Variants in EVL observed in about 807,000 individuals in gnomAD.
EVL encodes the protein ena/VASP-like protein.
EVL carries 21 observed loss-of-function variants against 59.6 expected under a neutral mutation model. That is an observed-to-expected ratio of 0.35 (90% CI 0.25 to 0.51). The LOEUF (loss-of-function observed/expected upper bound fraction) is 0.51. Among genes scored for constraint, EVL ranks in the 20% least tolerant of loss-of-function variants. EVL has a pLI of 0.97. For missense variants in EVL, 462 were observed against 546.6 expected (o/e 0.85, Z 1.54); for synonymous variants, 198 against 203.5 (o/e 0.97, Z 0.23).
chr14:100,010,914 G>C (rs2061013073), intron 1 of EVL, among the ~76,000 whole-genome samples: 1 of 152,198 alleles, frequency 6.6e-6, no homozygotes, highest in Non-Finnish European at 1.5e-5. Flanking sequence ...ATCCAAAAGT[G>C]AGGTCGTTGG....
chr14:99,983,411 C>T (rs546218924), intron 1 of EVL, among the ~76,000 whole-genome samples: 19 of 152,242 alleles, frequency 1.2e-4, no homozygotes, highest in African/African-American at 4.6e-4. Context: ...CCAGTGTGTG[C>T]CTCTCCTTGG....
At chr14:100,143,322 C>T (rs756245441) in intron 13 of EVL, among the ~76,000 whole-genome samples, 1 of 152,016 alleles carries the variant, frequency 6.6e-6, no homozygotes, top group Non-Finnish European at 1.5e-5. Context: ...CTCCCGGGCC[C>T]CCGGCACCTG....
chr14:100,023,651 G>A (rs1256828616), intron 1 of EVL, among the ~76,000 whole-genome samples: 4 of 150,392 alleles, frequency 2.7e-5, no homozygotes, highest in East Asian at 2.0e-4. Context: ...TTGTAGAGAC[G>A]GGGTTCAACC....
intron 1 of EVL, among the ~76,000 whole-genome samples, chr14:100,023,371 ATTTTTTTT>A (rs1010647617): frequency 2.2e-5 from 2 of 90,772 alleles, no homozygotes; most frequent in Non-Finnish European, 4.1e-5. Flanking sequence ...AGCCCGGCTA[ATTTTTTTT>A]TTTTTTTTTT....
intron 11 of EVL, chr14:100,140,617 A>G (rs1481609449): frequency 6.8e-6 from 1 of 147,548 alleles, no homozygotes; most frequent in African/African-American, 2.5e-5. Flanking sequence ...ACTCTGTCTG[A>G]AAAAAAAAAA....
chr14:100,139,824 T>C (rs1473112315), intron 11 of EVL: 1 of 152,234 alleles, frequency 6.6e-6, no homozygotes, highest in Non-Finnish European at 1.5e-5. Flanking sequence ...AACCTTGGGC[T>C]CCAGCCTCCA....
chr14:100,083,070 C>G (rs368927243), intron 1 of EVL, among the ~76,000 whole-genome samples: 65 of 152,334 alleles, frequency 4.3e-4, no homozygotes, highest in African/African-American at 1.5e-3. Flanking sequence ...CCAGAATCAT[C>G]TCAAGGGCTC....
chr14:100,128,450 A>C lies in EVL; in HGVS notation c.488-69A>C, dbSNP rs553404714. 129 of 1,520,258 alleles carry C rather than the reference A, an allele frequency of 8.5e-5. 1 individual carries two copies. Among genetic ancestry groups the C allele is most frequent in the Non-Finnish European group, 1.1e-4 (117 of 1,096,628 alleles). The allele number at this position is 1,520,258 out of a possible 1,614,324, so 94.2% of individuals were successfully genotyped here. On this transcript the variant is annotated intron_variant, in intron 5 of 13. Coordinates refer to ENST00000392920, the MANE Select transcript of EVL (RefSeq NM_016337.3). ...CCCTGTCCTTCCTCCGGGGAACCTG[A>C]GCTGAGAGCAGCAGGCTTGGCCCCC...
At chr14:99,977,741 T>C (rs1263298812) in intron 1 of EVL, among the ~76,000 whole-genome samples, 1 of 151,756 alleles carries the variant, frequency 6.6e-6, no homozygotes, top group East Asian at 2.0e-4. Flanking sequence ...GCCAGAACAT[T>C]TAATTTTTGA....
Position 99,972,460 on chromosome 14 carries a change from C to T in EVL, c.5+403C>T, listed in dbSNP as rs934834552. Among the ~76,000 whole-genome samples the T allele has an allele frequency of 6.6e-6, 1 of 152,134 alleles. No homozygotes were observed. Among genetic ancestry groups the T allele is most frequent in the Non-Finnish European group, 1.5e-5 (1 of 68,010 alleles). On this transcript the variant is annotated intron_variant, in intron 1 of 13. Transcript: ENST00000402714. The surrounding 1 kb of genome is among the most constrained non-coding windows in gnomAD (Gnocchi z 4.4). ...AGCCCCTGTGCGGTGCCTTCCAGCC[C>T]GGAGGAGGCTGGCCTGAAGCCCCCA...
At chr14:100,020,428 G>A (rs2061101328) in intron 1 of EVL, among the ~76,000 whole-genome samples, 1 of 151,974 alleles carries the variant, frequency 6.6e-6, no homozygotes, top group Admixed American at 6.6e-5. Context: ...TTCTTCTTGT[G>A]CATATTTCCA....
chr14:100,141,423 C>T (rs1889157342), intron 12 of EVL, among the ~76,000 whole-genome samples, 177 bp downstream of exon 12: 1 of 152,210 alleles, frequency 6.6e-6, no homozygotes, highest in Non-Finnish European at 1.5e-5. Flanking sequence ...GTCCCCAGCC[C>T]CTGCCATCAC....
chr14:100,008,910 T>A (rs2060999758), intron 1 of EVL, among the ~76,000 whole-genome samples: 1 of 152,142 alleles, frequency 6.6e-6, no homozygotes, highest in Non-Finnish European at 1.5e-5. Flanking sequence ...AGCAGTGCTA[T>A]TTTAGATGAG....
chr14:100,098,986 A>G (rs1317213658), intron 3 of EVL, among the ~76,000 whole-genome samples: 2 of 152,106 alleles, frequency 1.3e-5, no homozygotes, highest in Admixed American at 6.6e-5. Flanking sequence ...TGTTACTGCT[A>G]TCAGAATTGA....
chr14:99,988,546 A>C (rs546998440), intron 1 of EVL, among the ~76,000 whole-genome samples: 5 of 152,206 alleles, frequency 3.3e-5, no homozygotes, highest in Admixed American at 2.6e-4. Context: ...AATGTTAGAC[A>C]TAGAGTTACC....
chr14:100,057,917 C>G (rs940978801), intron 1 of EVL, among the ~76,000 whole-genome samples: 2 of 152,190 alleles, frequency 1.3e-5, no homozygotes, highest in African/African-American at 4.8e-5. Context: ...TCCTCCTTTT[C>G]TCTACTCCCA....
intron 1 of EVL, among the ~76,000 whole-genome samples, chr14:99,984,397 ATG>A (rs2140172919): frequency 6.6e-6 from 1 of 152,308 alleles, no homozygotes; most frequent in African/African-American, 2.4e-5. Context: ...GTATGTATGT[ATG>A]TGTCTTTCCA....
chr14:100,043,629 T>G, intron 1 of EVL, among the ~76,000 whole-genome samples: 1 of 148,768 alleles, frequency 6.7e-6, no homozygotes, highest in African/African-American at 2.5e-5. Flanking sequence ...TTTTTTCTTT[T>G]AGAGACAGGG....
At chr14:100,131,999 G>C (rs546107648) in intron 7 of EVL, among the ~76,000 whole-genome samples, 1 of 152,220 alleles carries the variant, frequency 6.6e-6, no homozygotes, top group Admixed American at 6.5e-5. Context: ...CATGCTTGAT[G>C]GGCAGCTCAT....
Sources: allele counts gnomAD v4.1 joint callset (sites outside exome capture counted in the v4.1 genomes callset), GRCh38; gene constraint gnomAD v4.1.1; non-coding constraint Gnocchi (gnomAD v3.1); transcripts MANE v1.5; gene names NCBI Gene and HGNC (gene_info 2026-07-23, HGNC 2026-07-21).